Variants in ABCA8 observed in about 807,000 individuals in gnomAD.
The protein encoded by ABCA8 is ATP binding cassette subfamily A member 8, also known as ABC-type organic anion transporter ABCA8.
Under a neutral mutation model 192.3 loss-of-function variants are expected in ABCA8, and 177 were observed. The observed-to-expected ratio is 0.92, with a 90% CI of 0.81 to 1.04. The LOEUF is 1.04. Ranked by LOEUF, ABCA8 falls within the 50% of genes least tolerant of loss-of-function variation. ABCA8 has a pLI of 0.00. For synonymous variants in ABCA8, 642 were observed against 690.2 expected, an observed-to-expected ratio of 0.93 and a Z score of 1.09; for missense variants, 1,915 against 1,904.8, an observed-to-expected ratio of 1.01 and a Z score of -0.10.
chr17:68,927,222 C>T (rs1222568214), intron 10 of ABCA8, among the ~76,000 whole-genome samples: 1 of 151,950 alleles, frequency 6.6e-6, no homozygotes, highest in Admixed American at 6.6e-5. Flanking sequence ...TGTGCCACTG[C>T]ACTCCAGCCT....
At chr17:68,886,044 A>C (rs2066452481) in intron 26 of ABCA8, among the ~76,000 whole-genome samples, 1 of 152,194 alleles carries the variant, frequency 6.6e-6, no homozygotes, top group Admixed American at 6.5e-5. Context: ...GAAGTACTAA[A>C]ATACAAAATT....
At chr17:68,880,971 T>C in intron 32 of ABCA8, 149 bp downstream of exon 32, 1 of 663,498 alleles carries the variant, frequency 1.5e-6, no homozygotes, top group Non-Finnish European at 2.7e-6. Flanking sequence ...TGTGCATTTA[T>C]GTGATAATTC....
intron 18 of ABCA8, among the ~76,000 whole-genome samples, 154 bp downstream of exon 18, chr17:68,907,586 A>G (rs1242139242): frequency 2.6e-5 from 4 of 152,194 alleles, no homozygotes; most frequent in Admixed American, 2.6e-4. Context: ...CCCACTATAC[A>G]GAAAATAATT....
At position 68,932,395 on chromosome 17, in the gene ABCA8, A is replaced by G; in HGVS notation, c.690T>C (p.Ile230=). The G allele has an allele frequency of 6.2e-7, 1 of 1,613,914 alleles. No individual in the cohort carries two copies. The highest frequency in any genetic ancestry group is 8.5e-7 in the Non-Finnish European group (1 of 1,179,766). The change falls in exon 7 of 40, where the codon ATT becomes ATC. Residue 230 remains isoleucine, a synonymous_variant. Coordinates refer to ENST00000586539, the MANE Select transcript of ABCA8 (RefSeq NM_001288985.2). ...AGTAAATGAATGAGGAAAATGAAATAATGCAGGAAAAAAGGTACAAATCAG... is the reference window on the plus strand; with the variant it reads ...AGTAAATGAATGAGGAAAATGAAATGATGCAGGAAAAAAGGTACAAATCAG... ...VITDLYLFSC[I]ISFSSFIYYA... is the part of the protein sequence containing the mutation.
In ABCA8 at chr17:68,923,085, G is replaced by A. The variant is rs567610053; in HGVS notation, c.1443-785C>T. ...AAATCTGCATGGTTTTATTCTACCAGGTAAGTATATAATCCATAGGCCAAA... is the reference window on the plus strand; with the variant it reads ...AAATCTGCATGGTTTTATTCTACCAAGTAAGTATATAATCCATAGGCCAAA... On this transcript the variant is annotated intron_variant, in intron 11 of 39. Transcript: ENST00000586539. Among the ~76,000 whole-genome samples, 5 of 152,034 alleles carry A rather than the reference G, an allele frequency of 3.3e-5. No individual in the cohort carries two copies. In the South Asian group the frequency reaches 1.0e-3, roughly 32 times the overall value.
At chr17:68,916,294 T>C (rs1008495659) in intron 17 of ABCA8, among the ~76,000 whole-genome samples, 2 of 152,160 alleles carry the variant, frequency 1.3e-5, no homozygotes, top group Non-Finnish European at 2.9e-5. Context: ...ATGTACAATA[T>C]ATTAATATGA....
chr17:68,877,351 A>G (rs953749349), intron 33 of ABCA8, 168 bp downstream of exon 33: 22 of 583,906 alleles, frequency 3.8e-5, no homozygotes, highest in Non-Finnish European at 6.2e-5. Flanking sequence ...ATGAGAAAGA[A>G]ACTTAATACT....
rs768328938 is a variant in ABCA8, at chr17:68,877,520, G to A, written c.4198C>T (p.Arg1400Trp). ...AACAGATGTGGCTCCTCTGTGTACC[G>A]TGTGATGGCAACCTCAGCATCCCCT... ...RKGDAEVAIT[R>W]LVDALKLQDQ... The change falls in exon 33 of 40, where the codon CGG becomes TGG. Residue 1400 changes from arginine (R) to tryptophan (W), a missense_variant and splice_region_variant. Coordinates refer to ENST00000586539, the MANE Select transcript of ABCA8 (RefSeq NM_001288985.2). The A allele has an allele frequency of 3.3e-5, 54 of 1,612,412 alleles. No homozygotes were observed. Among genetic ancestry groups the A allele is most frequent in the East Asian group, 1.3e-4 (6 of 44,872 alleles).
In ABCA8 at chr17:68,919,456, T is replaced by C. The variant is rs2067478455; in HGVS notation, c.1633A>G (p.Asn545Asp). 6.2e-7 allele frequency: 1 copy of C among 1,613,706 alleles called. No homozygotes were observed. Among genetic ancestry groups the C allele is most frequent in the African/African-American group, 1.3e-5 (1 of 74,940 alleles). The change falls in exon 14 of 40, where the codon AAT becomes GAT. Residue 545 changes from asparagine to aspartate, a missense_variant. Physicochemically the swap from Asn to Asp is conservative, Grantham distance 23. Transcript: ENST00000586539. ...PTKGSVTIYN[N>D]KLSEMADLEN... ...AGGTCAGCCATTTCTGAAAGCTTAT[T>C]GTTATAGATGGTGACTGAACCTGTA...
At position 68,868,281 on chromosome 17, in the gene ABCA8, A is replaced by C. The variant is rs1169922893; in HGVS notation, c.4767+20T>G. On this transcript the variant is annotated intron_variant, in intron 39 of 39. Transcript: ENST00000586539. ...ATACACATATACCATGGATGATACGAATCCCTAAAAATGACCCACCTGCTC... is the reference window on the plus strand; with the variant it reads ...ATACACATATACCATGGATGATACGCATCCCTAAAAATGACCCACCTGCTC... 6.2e-7 allele frequency: 1 copy of C among 1,612,392 alleles called. No homozygotes were observed. The highest frequency in any genetic ancestry group is 8.5e-7 in the Non-Finnish European group (1 of 1,178,548).
Position 68,954,180 on chromosome 17 carries a change from TC to T in ABCA8, c.-167+1038del, listed in dbSNP as rs975523631. Among the ~76,000 whole-genome samples the T allele has an allele frequency of 7.9e-5, 6 of 76,370 alleles. No homozygotes were observed. In the Admixed American group the frequency reaches 9.9e-4, roughly 13 times the overall value. The allele number at this position is 76,370 out of a possible 152,430, so 50.1% of individuals were successfully genotyped here. A position where few individuals can be genotyped will look rare whatever the true frequency, so the allele number is the denominator to read the frequency against. The stretch of plus-strand genomic sequence containing the variant: ...TAGGTATATCTCCCAATGCTATCCC[TC>T]CCCCCTCCCCCCACCCCACAACAGT... On this transcript the variant is annotated intron_variant, in intron 1 of 39. Transcript: ENST00000586539.
At chr17:68,916,667 A>G (rs551163615) in intron 17 of ABCA8, among the ~76,000 whole-genome samples, 1 of 152,302 alleles carries the variant, frequency 6.6e-6, no homozygotes. Flanking sequence ...GGAGAAGAAC[A>G]AGAAAGAAGG....
At chr17:68,894,392 T>C (rs1019803035) in intron 22 of ABCA8, 82 bp from the exon 23 acceptor site, 1 of 1,252,414 alleles carries the variant, frequency 8.0e-7, no homozygotes, top group African/African-American at 1.5e-5. Context: ...CATGTTAAAT[T>C]AAGAGGTTAT....
intron 32 of ABCA8, chr17:68,879,231 C>T (rs560304734): frequency 6.6e-6 from 1 of 152,268 alleles, no homozygotes; most frequent in South Asian, 2.1e-4. Context: ...AATGTATGTT[C>T]CAATAACTAA....
At chr17:68,904,690 T>C (rs1291525282) in intron 19 of ABCA8, among the ~76,000 whole-genome samples, 2 of 152,174 alleles carry the variant, frequency 1.3e-5, no homozygotes, top group South Asian at 2.1e-4. Context: ...CGAACTTTTT[T>C]TCGTGGAGCC....
At position 68,933,019 on chromosome 17, in the gene ABCA8, C is replaced by T. The variant is rs1016829730; in HGVS notation, c.570+149G>A. On this transcript the variant is annotated intron_variant, in intron 6 of 39. Coordinates refer to ENST00000586539, the MANE Select transcript of ABCA8 (RefSeq NM_001288985.2). ...TTTTCTTCTGTTTGTATCTACATTC[C>T]GTGGTATATAGTAACTTCAGTAAAC... The T allele has an allele frequency of 1.8e-5, 11 of 598,678 alleles. 1 individual carries two copies. Among genetic ancestry groups the T allele is most frequent in the African/African-American group, 1.7e-4 (9 of 53,268 alleles). 37.1% of individuals were successfully genotyped at this position (598,678 alleles called of 1,614,324 possible).
At chr17:68,934,664 G>A (rs1336219267) in intron 5 of ABCA8, among the ~76,000 whole-genome samples, 1 of 152,156 alleles carries the variant, frequency 6.6e-6, no homozygotes, top group Non-Finnish European at 1.5e-5. Context: ...TTTAACACAG[G>A]TATGAGAGTT....
chr17:68,869,682 C>T lies in ABCA8; in HGVS notation c.4711+18G>A. ...TTATCTTCTTTCCAGGGTCGTACTTCAAAGTCATACTTCTTACCCTTCTCT... is the reference window on the plus strand; with the variant it reads ...TTATCTTCTTTCCAGGGTCGTACTTTAAAGTCATACTTCTTACCCTTCTCT... On this transcript the variant is annotated intron_variant, in intron 38 of 39. Transcript: ENST00000586539. 6.4e-7 allele frequency: 1 copy of T among 1,562,322 alleles called. No individual in the cohort carries two copies. Among genetic ancestry groups the T allele is most frequent in the Non-Finnish European group, 8.8e-7 (1 of 1,134,636 alleles).
intron 7 of ABCA8, among the ~76,000 whole-genome samples, chr17:68,930,297 A>G (rs2067826404): frequency 6.6e-6 from 1 of 151,756 alleles, no homozygotes; most frequent in Non-Finnish European, 1.5e-5. Context: ...TGGTCATGTC[A>G]CTCCTTCCCC....
Sources: gnomAD v4.1 joint callset for allele counts (sites outside exome capture counted in the v4.1 genomes callset) on GRCh38, gnomAD v4.1.1 for gene constraint, MANE v1.5 for transcripts, NCBI Gene and HGNC (gene_info 2026-07-23, HGNC 2026-07-21) for gene names.